GDAP2: variants seen among roughly 807,000 people sequenced by gnomAD.
GDAP2 encodes the protein ganglioside-induced differentiation-associated protein 2.
GDAP2 carries 51 observed loss-of-function variants against 67.0 expected under a neutral mutation model. The observed-to-expected ratio is 0.76, with a 90% CI of 0.61 to 0.96. GDAP2 has a LOEUF of 0.96. Among genes scored for constraint, GDAP2 ranks in the 40% least tolerant of loss-of-function variants. The pLI is 0.00. For missense variants in GDAP2, 547 were observed against 588.3 expected (o/e 0.93, Z 0.73); for synonymous variants, 203 against 207.3 (o/e 0.98, Z 0.18).
At chr1:117,872,699 G>A (rs936445081) in intron 13 of GDAP2, among the ~76,000 whole-genome samples, 1 of 151,826 alleles carries the variant, frequency 6.6e-6, no homozygotes, top group Admixed American at 6.6e-5. Context: ...GGAGGGTGGG[G>A]GGAGAGCATT....
intron 6 of GDAP2, among the ~76,000 whole-genome samples, chr1:117,903,876 T>C (rs79275893): frequency 6.6e-6 from 1 of 152,302 alleles, no homozygotes; most frequent in Non-Finnish European, 1.5e-5. Context: ...AGCCCTCTAA[T>C]GATGATCATA....
Position 117,866,962 on chromosome 1 carries a change from A to G in GDAP2, c.*3607T>C, listed in dbSNP as rs1252924576. ...TGCAGTTCTTTTGGTCCTTAATACA[A>G]TCAATCCACTGCCACTAGAACCATG... On this transcript the variant is annotated 3_prime_UTR_variant, in exon 14 of 14. Coordinates refer to ENST00000369443, the MANE Select transcript of GDAP2 (RefSeq NM_017686.4). 6.6e-6 allele frequency: 1 copy of G among 152,162 alleles called. No individual in the cohort carries two copies. The highest frequency in any genetic ancestry group is 1.5e-5 in the Non-Finnish European group (1 of 68,024). The allele number at this position is 152,162 out of a possible 1,614,324, so 9.4% of individuals were successfully genotyped here.
At chr1:117,892,059 T>G (rs183653745) in intron 8 of GDAP2, among the ~76,000 whole-genome samples, 32 of 152,254 alleles carry the variant, frequency 2.1e-4, no homozygotes, top group Admixed American at 9.2e-4. Flanking sequence ...GTTCATGATT[T>G]TTAAAAGGTT....
intron 5 of GDAP2, among the ~76,000 whole-genome samples, chr1:117,908,921 G>T (rs772841811): frequency 5.3e-5 from 8 of 151,982 alleles, no homozygotes; most frequent in Non-Finnish European, 1.2e-4. Context: ...TAGTTTCCCA[G>T]AATATAATTA....
intron 3 of GDAP2, among the ~76,000 whole-genome samples, chr1:117,914,213 G>C (rs1649966317): frequency 6.6e-6 from 1 of 152,022 alleles, no homozygotes; most frequent in Non-Finnish European, 1.5e-5. Flanking sequence ...TAAAAGGGGA[G>C]ACTAAACACA....
At chr1:117,894,917 T>C (rs892688888) in intron 8 of GDAP2, among the ~76,000 whole-genome samples, 1 of 152,174 alleles carries the variant, frequency 6.6e-6, no homozygotes, top group Non-Finnish European at 1.5e-5. Flanking sequence ...ACTTTTCTGA[T>C]GAGATTGGTG....
intron 13 of GDAP2, among the ~76,000 whole-genome samples, chr1:117,873,710 A>C (rs1252153756): frequency 6.6e-6 from 1 of 151,908 alleles, no homozygotes; most frequent in African/African-American, 2.4e-5. Flanking sequence ...TTTTCCTCCA[A>C]ATTGCTTCTC....
In GDAP2 at chr1:117,873,126, A is replaced by G. The variant is rs147425912; in HGVS notation, c.1447-2510T>C. ...AAATAGAATTTCCATTATTAATTTC[A>G]CACTGGGCAAGAGACTGCTGAGCAA... On this transcript the variant is annotated intron_variant, in intron 13 of 13. Transcript: ENST00000369443. Among the ~76,000 whole-genome samples the G allele has an allele frequency of 7.5e-4, 114 of 152,348 alleles. 1 individual carries two copies. The East Asian group carries it at 0.018, about 24-fold the overall frequency.
intron 11 of GDAP2, chr1:117,882,823 T>G (rs1648701008): frequency 6.6e-6 from 1 of 152,170 alleles, no homozygotes; most frequent in African/African-American, 2.4e-5. Flanking sequence ...AAATGGGCTT[T>G]TCAATGCAAT....
chr1:117,915,146 G>A (rs1055372038), intron 3 of GDAP2, among the ~76,000 whole-genome samples: 5 of 152,122 alleles, frequency 3.3e-5, no homozygotes, highest in African/African-American at 1.2e-4. Flanking sequence ...TCCACTAACA[G>A]GTCTAACATG....
chr1:117,920,136 T>C (rs1447527063), intron 2 of GDAP2, 46 bp downstream of exon 2: 8 of 1,093,204 alleles, frequency 7.3e-6, no homozygotes, highest in East Asian at 2.4e-5. Context: ...GAATAAATTA[T>C]GAGAAAGTGT....
At chr1:117,879,998 C>T (rs1052043996) in intron 12 of GDAP2, among the ~76,000 whole-genome samples, 40 of 152,068 alleles carry the variant, frequency 2.6e-4, no homozygotes, top group African/African-American at 8.9e-4. Flanking sequence ...GGCAACAGGG[C>T]AAGACCCCAT....
chr1:117,917,019 G>GC (rs967366431), intron 3 of GDAP2, among the ~76,000 whole-genome samples: 40 of 149,942 alleles, frequency 2.7e-4, no homozygotes, highest in African/African-American at 9.8e-4. Context: ...GGGTGACAGA[G>GC]CAAGACTCTG....
chr1:117,877,390 T>G (rs2101118400), intron 13 of GDAP2: 24 of 982,664 alleles, frequency 2.4e-5, no homozygotes, highest in Non-Finnish European at 2.8e-5. Context: ...TTTGGCCAAG[T>G]GTGTTACTTT....
At chr1:117,910,455 A>C (rs1649813247) in intron 5 of GDAP2, among the ~76,000 whole-genome samples, 1 of 152,180 alleles carries the variant, frequency 6.6e-6, no homozygotes, top group Admixed American at 6.5e-5. Flanking sequence ...AAAATATACA[A>C]ATTTACTATA....
At chr1:117,908,138 T>C (rs185178364) in intron 5 of GDAP2, among the ~76,000 whole-genome samples, 33 of 152,118 alleles carry the variant, frequency 2.2e-4, no homozygotes, top group African/African-American at 7.5e-4. Context: ...TTTCAAGACC[T>C]AGCCAAGAGC....
chr1:117,927,328 C>T (rs1371300179), intron 1 of GDAP2, among the ~76,000 whole-genome samples: 1 of 151,826 alleles, frequency 6.6e-6, no homozygotes, highest in African/African-American at 2.4e-5. Context: ...TTGTTCAAAA[C>T]TGGGCAAAAT....
Position 117,899,334 on chromosome 1 carries a change from C to G in GDAP2, c.637-118G>C, listed in dbSNP as rs1221211337. ...ACCTCCATCAAGAATAAAGACTTTA[C>G]CACTTCTGAGCTCAGACTCGATACT... On this transcript the variant is annotated intron_variant, in intron 6 of 13. Coordinates refer to ENST00000369443, the MANE Select transcript of GDAP2 (RefSeq NM_017686.4). 6 of 699,420 alleles carry G rather than the reference C, an allele frequency of 8.6e-6. No homozygotes were observed. In the Admixed American group the frequency reaches 1.1e-4, roughly 13 times the overall value. The allele number at this position is 699,420 out of a possible 1,614,324, so 43.3% of individuals were successfully genotyped here. A position where few individuals can be genotyped will look rare whatever the true frequency, so the allele number is the denominator to read the frequency against.
At chr1:117,904,190 T>C (rs1210863262) in intron 6 of GDAP2, among the ~76,000 whole-genome samples, 1 of 152,132 alleles carries the variant, frequency 6.6e-6, no homozygotes, top group Non-Finnish European at 1.5e-5. Context: ...GGTTTCGCCA[T>C]GTTGGCCAGG....
Sources: allele counts gnomAD v4.1 joint callset (sites outside exome capture counted in the v4.1 genomes callset), GRCh38; gene constraint gnomAD v4.1.1; transcripts MANE v1.5; gene names NCBI Gene and HGNC (gene_info 2026-07-23, HGNC 2026-07-21).